Variants in MAML2 observed in about 807,000 individuals in gnomAD.
The protein encoded by MAML2 is mastermind like transcriptional coactivator 2, also known as mastermind-like protein 2.
MAML2 carries 22 observed loss-of-function variants against 96.1 expected under a neutral mutation model. That is an observed-to-expected ratio of 0.23 (90% confidence interval 0.16 to 0.33). The LOEUF is 0.33. Among genes scored for constraint, MAML2 ranks in the 10% least tolerant of loss-of-function variants. MAML2 has a pLI of 1.00. For missense variants in MAML2, 1,367 were observed against 1,392.4 expected (o/e 0.98, Z 0.29); for synonymous variants, 561 against 521.3 (o/e 1.08, Z -1.04).
chr11:96,283,531 T>C (rs1863099206), intron 1 of MAML2, among the ~76,000 whole-genome samples: 1 of 152,214 alleles, frequency 6.6e-6, no homozygotes, highest in Admixed American at 6.5e-5. Flanking sequence ...TCCTTTTGCC[T>C]TGAAGAACTA....
At chr11:96,242,005 C>T (rs1862444427) in intron 1 of MAML2, among the ~76,000 whole-genome samples, 1 of 152,156 alleles carries the variant, frequency 6.6e-6, no homozygotes, top group Non-Finnish European at 1.5e-5. Context: ...TATATCTTTG[C>T]ATGAGAGCCC....
At position 96,093,987 on chromosome 11, in the gene MAML2, TTC is replaced by T. The variant is rs1411851695; in HGVS notation, c.514-472_514-471del. ...CTAAAGCTGGGAACAAATCTCTAGT[TTC>T]TTTTTTTTTTCACAGACCCAACCCC... On this transcript the variant is annotated intron_variant, in intron 1 of 4. Transcript: ENST00000524717. Among the ~76,000 whole-genome samples the T allele has an allele frequency of 1.5e-4, 8 of 52,096 alleles. No individual in the cohort carries two copies. In the Admixed American group the frequency reaches 1.6e-3, roughly 10 times the overall value. The allele number at this position is 52,096 out of a possible 152,430, so 34.2% of individuals were successfully genotyped here.
At chr11:96,322,457 G>A (rs1475238113) in intron 1 of MAML2, among the ~76,000 whole-genome samples, 2 of 152,172 alleles carry the variant, frequency 1.3e-5, no homozygotes, top group African/African-American at 4.8e-5. Flanking sequence ...CCAGCACTTT[G>A]GGAGGCGGGC....
chr11:96,018,790 T>C (rs1027151286), intron 2 of MAML2, among the ~76,000 whole-genome samples: 1 of 152,142 alleles, frequency 6.6e-6, no homozygotes, highest in African/African-American at 2.4e-5. Flanking sequence ...GGTTTCACCA[T>C]GTTGGCCAGC....
intron 1 of MAML2, among the ~76,000 whole-genome samples, chr11:96,246,888 G>T (rs191226620): frequency 2.6e-5 from 4 of 152,250 alleles, no homozygotes; most frequent in Middle Eastern, 3.4e-3. Flanking sequence ...AGTTCTCACA[G>T]TCTCCTCACC....
intron 1 of MAML2, among the ~76,000 whole-genome samples, chr11:96,114,315 A>C (rs763031315): frequency 2.6e-5 from 4 of 152,192 alleles, no homozygotes; most frequent in African/African-American, 4.8e-5. Flanking sequence ...AGGTACCAAG[A>C]GTCTTGGTGA....
intron 1 of MAML2, among the ~76,000 whole-genome samples, chr11:96,145,302 C>T (rs1245212603): frequency 4.6e-5 from 7 of 152,214 alleles, no homozygotes; most frequent in African/African-American, 1.7e-4. Context: ...TTGCTAAACC[C>T]TGTACCAACT....
At chr11:96,198,928 T>C (rs1861771381) in intron 1 of MAML2, among the ~76,000 whole-genome samples, 1 of 151,950 alleles carries the variant, frequency 6.6e-6, no homozygotes, top group Non-Finnish European at 1.5e-5. Context: ...CTGGGTGCGG[T>C]GGCTCACGTC....
intron 2 of MAML2, among the ~76,000 whole-genome samples, chr11:95,994,324 C>T (rs1178009705): frequency 6.6e-6 from 1 of 152,166 alleles, no homozygotes; most frequent in African/African-American, 2.4e-5. Context: ...ATATTTACAC[C>T]CCTATGACCA....
intron 2 of MAML2, among the ~76,000 whole-genome samples, chr11:96,035,878 G>A (rs1386730959): frequency 1.3e-5 from 2 of 152,080 alleles, no homozygotes; most frequent in African/African-American, 4.8e-5. Context: ...TGTGACCGTG[G>A]GCAAGTTACA....
At position 95,978,832 on chromosome 11, in the gene MAML2, T is replaced by A. The variant is rs74664191; in HGVS notation, c.*116A>T. On this transcript the variant is annotated 3_prime_UTR_variant, in exon 5 of 5. Transcript: ENST00000524717. ...GCAGTTACTTTCTGCTTTCCATTTT[T>A]AAGCATGTTATCTTCATGTAGTCCA... is the stretch of plus-strand genomic sequence containing the variant. 3.1e-6 allele frequency: 3 copies of A among 982,972 alleles called. No individual in the cohort carries two copies. Among genetic ancestry groups the A allele is most frequent in the African/African-American group, 1.6e-5 (1 of 60,992 alleles). 60.9% of individuals were successfully genotyped at this position (982,972 alleles called of 1,614,324 possible).
intron 1 of MAML2, among the ~76,000 whole-genome samples, chr11:96,282,470 T>C (rs1183634701): frequency 2.0e-5 from 3 of 152,182 alleles, no homozygotes; most frequent in Admixed American, 2.0e-4. Flanking sequence ...TGATGTCCAC[T>C]CTCCAGGTCT....
intron 2 of MAML2, among the ~76,000 whole-genome samples, chr11:95,993,209 A>G (rs1157775571): frequency 1.3e-5 from 1 of 76,524 alleles, no homozygotes; most frequent in Non-Finnish European, 2.8e-5. Flanking sequence ...TGTGCCCAGA[A>G]AAAAAAAAAA....
chr11:96,284,826 C>T (rs1417643519), intron 1 of MAML2, among the ~76,000 whole-genome samples: 3 of 152,232 alleles, frequency 2.0e-5, no homozygotes, highest in Non-Finnish European at 2.9e-5. Flanking sequence ...TTCAGTTACT[C>T]TAACTCATCA....
At chr11:96,009,120 TA>T (rs1322685928) in intron 2 of MAML2, among the ~76,000 whole-genome samples, 1 of 152,222 alleles carries the variant, frequency 6.6e-6, no homozygotes, top group Non-Finnish European at 1.5e-5. Flanking sequence ...GATGTAATAT[TA>T]ATGTGCAATT....
intron 1 of MAML2, among the ~76,000 whole-genome samples, chr11:96,127,094 C>T (rs1199151746): frequency 1.3e-5 from 2 of 152,132 alleles, no homozygotes; most frequent in African/African-American, 2.4e-5. Flanking sequence ...TAAAGTTCAG[C>T]TTGAAAGGTG....
At chr11:96,211,100 A>G (rs965628750) in intron 1 of MAML2, among the ~76,000 whole-genome samples, 10 of 152,202 alleles carry the variant, frequency 6.6e-5, no homozygotes, top group Non-Finnish European at 1.3e-4. Context: ...GTTAACTTTT[A>G]AAGAAATTTA....
chr11:96,078,784 T>C (rs577712831), intron 2 of MAML2, among the ~76,000 whole-genome samples: 1 of 152,358 alleles, frequency 6.6e-6, no homozygotes, highest in South Asian at 2.1e-4. Context: ...ATGAGACCTG[T>C]CAGTAAATTA....
chr11:96,131,178 A>G (rs1021784138), intron 1 of MAML2, among the ~76,000 whole-genome samples: 1 of 152,188 alleles, frequency 6.6e-6, no homozygotes, highest in Non-Finnish European at 1.5e-5. Context: ...CCTGGGAAAG[A>G]GAACAGCATA....
Sources: gnomAD v4.1 joint callset for allele counts (sites outside exome capture counted in the v4.1 genomes callset) on GRCh38, gnomAD v4.1.1 for gene constraint, MANE v1.5 for transcripts, NCBI Gene and HGNC (gene_info 2026-07-23, HGNC 2026-07-21) for gene names.